CHRM3: variants seen among roughly 807,000 people sequenced by gnomAD.
CHRM3 encodes muscarinic acetylcholine receptor M3.
In CHRM3, 11 loss-of-function variants were observed where a neutral mutation model predicts 41.8. The observed-to-expected ratio is 0.26, with a 90% CI of 0.17 to 0.44. The LOEUF (loss-of-function observed/expected upper bound fraction) is 0.44, where lower values mean the gene tolerates loss of function less well. Ranked by LOEUF, CHRM3 falls within the 20% of genes least tolerant of loss-of-function variation. CHRM3 has a pLI of 1.00. For synonymous variants in CHRM3, 297 were observed against 301.4 expected, an observed-to-expected ratio of 0.99 and a Z score of 0.15; for missense variants, 571 against 745.4, an observed-to-expected ratio of 0.77 and a Z score of 2.72.
At chr1:239,695,040 C>A (rs1484427016) in intron 5 of CHRM3, among the ~76,000 whole-genome samples, 1 of 152,156 alleles carries the variant, frequency 6.6e-6, no homozygotes, top group East Asian at 1.9e-4. Context: ...GAGACGGAGT[C>A]TCGCTCTGTT....
chr1:239,444,078 A>C (rs1572325741), intron 1 of CHRM3, among the ~76,000 whole-genome samples: 1 of 152,166 alleles, frequency 6.6e-6, no homozygotes, highest in Non-Finnish European at 1.5e-5. Context: ...CAGGCTCAGC[A>C]TGTTGTGTGC....
At chr1:239,903,960 G>A (rs7520974) in intron 6 of CHRM3, among the ~76,000 whole-genome samples, 90,408 of 152,036 alleles carry the variant, frequency 0.59, 27,476 homozygotes, top group African/African-American at 0.71. Flanking sequence ...AAGACAAATA[G>A]TAGATACCCA....
intron 1 of CHRM3, among the ~76,000 whole-genome samples, chr1:239,462,177 G>A (rs529481753): frequency 5.2e-4 from 79 of 152,058 alleles, no homozygotes; most frequent in Non-Finnish European, 7.1e-4. Context: ...TGAGAATTTC[G>A]GTGATTTGGA....
At chr1:239,423,172 A>G (rs1191856366) in intron 1 of CHRM3, among the ~76,000 whole-genome samples, 1 of 152,236 alleles carries the variant, frequency 6.6e-6, no homozygotes, top group Non-Finnish European at 1.5e-5. Context: ...AAAGATTGAA[A>G]TTCCAAAGAA....
intron 3 of CHRM3, among the ~76,000 whole-genome samples, chr1:239,570,977 A>G (rs543218658): frequency 3.3e-5 from 5 of 152,166 alleles, no homozygotes; most frequent in Non-Finnish European, 7.4e-5. Context: ...GGGAAGAGGA[A>G]CAGGTGCTGG....
chr1:239,836,755 A>G (rs1673354536), intron 6 of CHRM3, among the ~76,000 whole-genome samples: 1 of 152,154 alleles, frequency 6.6e-6, no homozygotes, highest in Non-Finnish European at 1.5e-5. Flanking sequence ...AGGCTGATGG[A>G]TCACAAGATC....
chr1:239,899,365 A>G (rs562122772), intron 6 of CHRM3, among the ~76,000 whole-genome samples: 5 of 150,710 alleles, frequency 3.3e-5, no homozygotes, highest in South Asian at 4.2e-4. Flanking sequence ...ATATACATAA[A>G]TACATATATA....
intron 5 of CHRM3, among the ~76,000 whole-genome samples, chr1:239,679,954 C>T (rs1658399404): frequency 6.6e-6 from 1 of 152,096 alleles, no homozygotes; most frequent in East Asian, 1.9e-4. Context: ...TCTCCGGCTT[C>T]ACCGCAGAAG....
At chr1:239,497,000 G>A (rs969087075) in intron 2 of CHRM3, among the ~76,000 whole-genome samples, 1 of 152,130 alleles carries the variant, frequency 6.6e-6, no homozygotes, top group Non-Finnish European at 1.5e-5. Context: ...AAATACAGTT[G>A]CATTGATATT....
At chr1:239,723,526 A>T (rs964084371) in intron 5 of CHRM3, among the ~76,000 whole-genome samples, 2 of 151,964 alleles carry the variant, frequency 1.3e-5, no homozygotes, top group Non-Finnish European at 2.9e-5. Context: ...AATGTTTATT[A>T]AGCTCCCATA....
chr1:239,414,198 C>G (rs1661323681), intron 1 of CHRM3, among the ~76,000 whole-genome samples: 1 of 152,122 alleles, frequency 6.6e-6, no homozygotes, highest in African/African-American at 2.4e-5. Flanking sequence ...TTTTTTGTTT[C>G]ATCTGCTCCT....
chr1:239,662,893 C>CTTCTTCTTCTTCTTCTTCT (rs1553356875), intron 4 of CHRM3, among the ~76,000 whole-genome samples: 41 of 46,400 alleles, frequency 8.8e-4, no homozygotes, highest in African/African-American at 3.1e-3. Context: ...CTTCCTCCTC[C>CTTCTTCTTCTTCTTCTTCT]TCTTCTTCTT....
intron 5 of CHRM3, among the ~76,000 whole-genome samples, chr1:239,768,990 C>T (rs1667444672): frequency 6.6e-6 from 1 of 152,158 alleles, no homozygotes; most frequent in Non-Finnish European, 1.5e-5. Context: ...GTCTCCAACA[C>T]CTGACCTCAA....
At chr1:239,461,064 A>G (rs751796876) in intron 1 of CHRM3, among the ~76,000 whole-genome samples, 10 of 152,178 alleles carry the variant, frequency 6.6e-5, no homozygotes, top group Non-Finnish European at 1.0e-4. Flanking sequence ...AAGAGCCAAC[A>G]TGACGGGGTC....
intron 6 of CHRM3, among the ~76,000 whole-genome samples, chr1:239,830,858 C>G (rs1053412794): frequency 2.0e-5 from 3 of 152,178 alleles, no homozygotes; most frequent in South Asian, 4.1e-4. Context: ...CTCTCACCCC[C>G]CTGAAACAAC....
intron 6 of CHRM3, among the ~76,000 whole-genome samples, chr1:239,850,539 G>A (rs911664881): frequency 5.9e-5 from 9 of 152,162 alleles, no homozygotes; most frequent in African/African-American, 2.2e-4. Context: ...CATCTCATTT[G>A]TTAAGAAATC....
intron 2 of CHRM3, among the ~76,000 whole-genome samples, chr1:239,498,440 A>T (rs1280982269): frequency 6.6e-6 from 1 of 152,158 alleles, no homozygotes; most frequent in African/African-American, 2.4e-5. Flanking sequence ...AGTAAATTTG[A>T]TTTCAATAAA....
chr1:239,757,979 G>A (rs1028715863), intron 5 of CHRM3, among the ~76,000 whole-genome samples: 3 of 152,146 alleles, frequency 2.0e-5, no homozygotes, highest in Admixed American at 6.5e-5. Context: ...CCTATGTGTG[G>A]TTATTTCATA....
At chr1:239,649,719 G>C (rs999016380) in intron 4 of CHRM3, among the ~76,000 whole-genome samples, 1 of 152,156 alleles carries the variant, frequency 6.6e-6, no homozygotes, top group Non-Finnish European at 1.5e-5. Flanking sequence ...TGCAGGAGTA[G>C]AGATCTTGAG....
Sources: allele counts gnomAD v4.1 joint callset (sites outside exome capture counted in the v4.1 genomes callset), GRCh38; gene constraint gnomAD v4.1.1; transcripts MANE v1.5; gene names NCBI Gene and HGNC (gene_info 2026-07-23, HGNC 2026-07-21).